The following DLG5 variants were observed in gnomAD, a reference collection of about 807,000 sequenced individuals.
DLG5 encodes disks large homolog 5.
DLG5 carries 48 observed loss-of-function variants against 189.8 expected under a neutral mutation model. The observed-to-expected ratio is 0.25, with a 90% CI of 0.20 to 0.32. The LOEUF (loss-of-function observed/expected upper bound fraction) is 0.32. Ranked by LOEUF, DLG5 falls within the 10% of genes least tolerant of loss-of-function variation. DLG5 has a pLI of 1.00. For missense variants in DLG5, 2,160 were observed against 2,544.7 expected (o/e 0.85, Z 3.25); for synonymous variants, 1,016 against 1,054.1 (o/e 0.96, Z 0.70).
At chr10:77,810,794 T>C (rs542523505) in intron 23 of DLG5, among the ~76,000 whole-genome samples, 1 of 152,156 alleles carries the variant, frequency 6.6e-6, no homozygotes, top group South Asian at 2.1e-4. Context: ...GGCCGGGTGA[T>C]GACTGTGGGA....
At position 77,827,513 on chromosome 10, in the gene DLG5, A is replaced by T. The variant is rs370112671; in HGVS notation, c.2289+1369T>A. Among the ~76,000 whole-genome samples the T allele has an allele frequency of 5.8e-4, 89 of 152,336 alleles. 1 individual carries two copies. The South Asian group carries it at 0.017, about 30-fold the overall frequency. On this transcript the variant is annotated intron_variant, in intron 13 of 31. Transcript: ENST00000372391. Reference sequence around the variant, plus strand: ...AGTGCCATGATTACGGGCGTGAGCCACCGTGCCCCGCTGGCATTTTCAATT... The same window carrying T: ...AGTGCCATGATTACGGGCGTGAGCCTCCGTGCCCCGCTGGCATTTTCAATT...
rs375196643 is a variant in DLG5, at chr10:77,926,272, C to G, written c.249G>C (p.Leu83=). ...AALEKTQPHL[L]PILYLNGVVG... Reference sequence around the variant, plus strand: ...CGACGCCGTTCAGGTAGAGAATGGGCAGCAGGTGAGGCTGCGTCTTCTCCA... The same window carrying G: ...CGACGCCGTTCAGGTAGAGAATGGGGAGCAGGTGAGGCTGCGTCTTCTCCA... Residue 83 remains leucine (L), a synonymous_variant, in exon 1 of 32, where the codon CTG becomes CTC. Coordinates refer to ENST00000372391, the MANE Select transcript of DLG5 (RefSeq NM_004747.4). The surrounding 1 kb of genome is among the most constrained non-coding windows in gnomAD (Gnocchi z 5.2). 557 of 1,581,130 alleles carry G rather than the reference C, an allele frequency of 3.5e-4. 1 individual carries two copies. The African/African-American group carries it at 6.6e-3, about 19-fold the overall frequency.
the DLG5 span, among the ~76,000 whole-genome samples, chr10:77,937,296 A>G: frequency 3.3e-5 from 5 of 152,156 alleles, no homozygotes; most frequent in Admixed American, 3.3e-4. Context: ...CTCTAGGGCC[A>G]GGAAACTCCT....
intron 1 of DLG5, among the ~76,000 whole-genome samples, chr10:77,887,929 A>C (rs1845488478): frequency 6.6e-6 from 1 of 152,212 alleles, no homozygotes; most frequent in African/African-American, 2.4e-5. Context: ...TGAAAAACTC[A>C]GATCTCTCAT....
intron 17 of DLG5, among the ~76,000 whole-genome samples, chr10:77,818,546 G>A (rs973215256): frequency 2.6e-5 from 4 of 152,136 alleles, no homozygotes; most frequent in Admixed American, 6.5e-5. Flanking sequence ...AAGCTCCCAC[G>A]ACTGTGCCTG....
intron 1 of DLG5, among the ~76,000 whole-genome samples, chr10:77,888,043 A>G (rs372600501): frequency 4.7e-4 from 71 of 152,298 alleles, no homozygotes; most frequent in African/African-American, 1.7e-3. Context: ...CTTAGTTTAA[A>G]TGGAAACTGT....
chr10:77,839,896 C>T (rs1843334816), intron 7 of DLG5, among the ~76,000 whole-genome samples: 1 of 152,186 alleles, frequency 6.6e-6, no homozygotes, highest in Admixed American at 6.5e-5. Flanking sequence ...CATTACTTGG[C>T]TGGCCCATTT....
At chr10:77,838,958 G>A (rs980483803) in intron 7 of DLG5, among the ~76,000 whole-genome samples, 3 of 152,214 alleles carry the variant, frequency 2.0e-5, no homozygotes, top group African/African-American at 7.2e-5. Context: ...CTCGGAACAG[G>A]GCCTGGAAAA....
rs1211516374 is a variant in DLG5 at position 77,821,447 on chromosome 10, G to T, written c.3037C>A (p.Pro1013Thr). The T allele has an allele frequency of 6.2e-7, 1 of 1,612,918 alleles. No homozygotes were observed. The highest frequency in any genetic ancestry group is 1.7e-5 in the Admixed American group (1 of 60,028). The change falls in exon 15 of 32, where the codon CCA becomes ACA. Residue 1013 changes from proline to threonine, a missense_variant. By Grantham distance (38) the Pro-to-Thr change is conservative. This residue lies in a region of DLG5 where 754 missense variants were observed against 746.5 expected (regional missense o/e 1.01). Coordinates refer to ENST00000372391, the MANE Select transcript of DLG5 (RefSeq NM_004747.4). ...GAGTCGCTCCTTCTGGGAGGTTTTG[G>T]GGGTGTCAGAGGCCCCGCCCTCTTG... is the stretch of plus-strand genomic sequence containing the variant. ...PSKRAGPLTP[P>T]KPPRRSDSIK...
chr10:77,890,092 A>G (rs1365319407), intron 1 of DLG5, among the ~76,000 whole-genome samples: 2 of 152,236 alleles, frequency 1.3e-5, no homozygotes, highest in Non-Finnish European at 2.9e-5. Flanking sequence ...AGAAGAAAAA[A>G]AATACAACAT....
chr10:77,899,038 A>G (rs1489907896), intron 1 of DLG5, among the ~76,000 whole-genome samples: 1 of 152,136 alleles, frequency 6.6e-6, no homozygotes, highest in Non-Finnish European at 1.5e-5. Flanking sequence ...CAATCTGAAG[A>G]TGGCTTTCCT....
chr10:77,937,689 C>T, the DLG5 span, among the ~76,000 whole-genome samples: 545 of 150,588 alleles, frequency 3.6e-3, 2 homozygotes, highest in Admixed American at 5.7e-3. Flanking sequence ...AGTCATTTTC[C>T]TTCCTGGCAT....
At chr10:77,793,522 G>C (rs184654493) in intron 31 of DLG5, 1 of 152,994 alleles carries the variant, frequency 6.5e-6, no homozygotes. Flanking sequence ...AGATGGTAAG[G>C]GGACAGCATT....
chr10:77,817,666 G>T (rs2154575495), intron 18 of DLG5, 111 bp downstream of exon 18: 1 of 882,072 alleles, frequency 1.1e-6, no homozygotes, highest in Non-Finnish European at 1.8e-6. Context: ...AGTCCCAGGA[G>T]GTGACAGGAG....
Position 77,817,813 on chromosome 10 carries a change from G to A in DLG5, c.3748C>T (p.His1250Tyr). Residue 1250 changes from histidine to tyrosine, a missense_variant, in exon 18 of 32, where the codon CAT becomes TAT. Coordinates refer to ENST00000372391, the MANE Select transcript of DLG5 (RefSeq NM_004747.4). The stretch of plus-strand genomic sequence containing the variant: ...CTGGAGGGCAGTGAGTTGGACCCAT[G>A]GGTGGCTCTCATCTCGGAGTAGTCG... The part of the protein sequence containing the change: ...CSDYSEMRAT[H>Y]GSNSLPSSAR... The A allele has an allele frequency of 6.4e-7, 1 of 1,555,824 alleles. No homozygotes were observed.
intron 20 of DLG5, among the ~76,000 whole-genome samples, chr10:77,812,948 C>G (rs1439853525): frequency 6.6e-6 from 1 of 152,222 alleles, no homozygotes; most frequent in Non-Finnish European, 1.5e-5. Context: ...CACCCAAGGG[C>G]GCCGGGGCAG....
chr10:77,925,579 A>C (rs1846659782), intron 1 of DLG5, among the ~76,000 whole-genome samples: 1 of 152,162 alleles, frequency 6.6e-6, no homozygotes, highest in African/African-American at 2.4e-5. Context: ...TCTCAGGGAG[A>C]GAACTTAGCC....
chr10:77,847,666 G>GCA (rs146678116), intron 5 of DLG5, among the ~76,000 whole-genome samples: 290 of 151,322 alleles, frequency 1.9e-3, no homozygotes, highest in Admixed American at 2.6e-3. Context: ...ACACGAGTGC[G>GCA]CACACACACA....
rs764890085 is a variant in DLG5, at chr10:77,830,792, G to A, written c.1830C>T (p.Asp610=). Residue 610 remains aspartate, a synonymous_variant, in exon 10 of 32, where the codon GAC becomes GAT. Transcript: ENST00000372391. The part of the protein sequence containing the change: ...MAHSSHDSAI[D]TDSMEWETEV... ...CCGTTTCCCACTCCATGGAATCCGT[G>A]TCAATGGCCGAGTCGTGGGAGCTGT... The A allele has an allele frequency of 5.0e-6, 8 of 1,614,208 alleles. No individual in the cohort carries two copies. In the South Asian group the frequency reaches 8.8e-5, roughly 18 times the overall value.
Sources: gnomAD v4.1 joint callset for allele counts (sites outside exome capture counted in the v4.1 genomes callset) on GRCh38, gnomAD v4.1.1 for gene constraint, gnomAD v4.1.1 regional missense constraint, Gnocchi (gnomAD v3.1) non-coding constraint, MANE v1.5 for transcripts, NCBI Gene and HGNC (gene_info 2026-07-23, HGNC 2026-07-21) for gene names.